The following G3BP2 variants were observed in gnomAD, a reference collection of about 807,000 sequenced individuals.
G3BP2 encodes ras GTPase-activating protein-binding protein 2.
G3BP2 carries 11 observed loss-of-function variants against 56.7 expected under a neutral mutation model. The ratio of observed to expected loss-of-function variants is 0.19; its 90% CI spans 0.12 to 0.32. The LOEUF is 0.32. Among genes scored for constraint, G3BP2 ranks in the 10% least tolerant of loss-of-function variants. G3BP2 has a pLI of 1.00. For synonymous variants in G3BP2, 165 were observed against 191.6 expected, an observed-to-expected ratio of 0.86 and a Z score of 1.15; for missense variants, 340 against 610.9, an observed-to-expected ratio of 0.56 and a Z score of 4.67.
intron 3 of G3BP2, among the ~76,000 whole-genome samples, chr4:75,681,848 CAAAAAA>C (rs149053660): frequency 1.7e-5 from 2 of 117,468 alleles, no homozygotes. Context: ...GACTCCATCT[CAAAAAA>C]AAAAAAAAAG....
chr4:75,692,083 CCTTTT>C (rs1282242547), intron 3 of G3BP2, among the ~76,000 whole-genome samples: 8 of 152,122 alleles, frequency 5.3e-5, no homozygotes, highest in Non-Finnish European at 1.0e-4. Context: ...AGCTGCCTTT[CCTTTT>C]GTCTTTCCCT....
Position 75,655,238 on chromosome 4 carries a change from A to G in G3BP2, c.554T>C (p.Ile185Thr). The G allele has an allele frequency of 6.2e-7, 1 of 1,604,966 alleles. No homozygotes were observed. Among genetic ancestry groups the G allele is most frequent in the Non-Finnish European group, 8.5e-7 (1 of 1,174,022 alleles). Residue 185 changes from isoleucine to threonine, a missense_variant, in exon 7 of 12, where the codon ATA becomes ACA. Around this residue, in one of 4 missense-constraint regions of G3BP2, gnomAD observed 224 missense variants for 332.5 expected, o/e 0.67. Coordinates refer to ENST00000359707, the MANE Select transcript of G3BP2 (RefSeq NM_203505.3). ...AGAGGATTCTTCCAAAGGCTCCTCT[A>G]TGCCATTACTACAATAAAATATTTA... ...YYEAHPVTNG[I>T]EEPLEESSHE...
At chr4:75,647,624 T>C (rs1731328842) in intron 9 of G3BP2, among the ~76,000 whole-genome samples, 2 of 152,168 alleles carry the variant, frequency 1.3e-5, no homozygotes, top group Non-Finnish European at 2.9e-5. Flanking sequence ...TGTATGTATA[T>C]AGATATACAT....
At chr4:75,673,872 G>T, upstream of G3BP2, 1 of 195,800 alleles carries the variant, frequency 5.1e-6, no homozygotes. Flanking sequence ...TCAGCTGTTT[G>T]CACACTAAAC....
At chr4:75,719,343 G>A (rs1184648702) in intron 3 of G3BP2, among the ~76,000 whole-genome samples, 1 of 54,564 alleles carries the variant, frequency 1.8e-5, no homozygotes, top group South Asian at 5.8e-4. Context: ...GCAAGACTCC[G>A]TCTCAAAAAA....
In G3BP2 at chr4:75,648,759, A is replaced by G; in HGVS notation, c.826-18T>C. ...ACTCTTGGCTAAAATATAAAGAAAA[A>G]AAAACATTATAAAAAACACTCCACT... On this transcript the variant is annotated intron_variant, in intron 8 of 11. Coordinates refer to ENST00000359707, the MANE Select transcript of G3BP2 (RefSeq NM_203505.3). The G allele has an allele frequency of 6.6e-7, 1 of 1,521,530 alleles. No homozygotes were observed. Among genetic ancestry groups the G allele is most frequent in the African/African-American group, 1.4e-5 (1 of 72,966 alleles). 94.3% of individuals were successfully genotyped at this position (1,521,530 alleles called of 1,614,324 possible).
chr4:75,680,961 C>T (rs562373384), intron 3 of G3BP2, among the ~76,000 whole-genome samples: 35 of 145,038 alleles, frequency 2.4e-4, no homozygotes, highest in African/African-American at 7.4e-4. Context: ...AGCAAGACCC[C>T]GTCTCAAAAA....
At position 75,645,003 on chromosome 4, in the gene G3BP2, G is replaced by C. The variant is rs778734374; in HGVS notation, c.*427C>G. 5.8e-6 allele frequency: 1 copy of C among 170,990 alleles called. No homozygotes were observed. Among genetic ancestry groups the C allele is most frequent in the Admixed American group, 6.1e-5 (1 of 16,336 alleles). 10.6% of individuals were successfully genotyped at this position (170,990 alleles called of 1,614,324 possible). ...AAGTTTCTGTTGGTTTGTATTTTTG[G>C]GGGGAGCCAAGAAAAAAGGCAAGAT... On this transcript the variant is annotated 3_prime_UTR_variant, in exon 12 of 12. Coordinates refer to ENST00000359707, the MANE Select transcript of G3BP2 (RefSeq NM_203505.3).
chr4:75,701,458 G>A (rs1187965895), intron 3 of G3BP2, among the ~76,000 whole-genome samples: 1 of 145,194 alleles, frequency 6.9e-6, no homozygotes, highest in Non-Finnish European at 1.5e-5. Flanking sequence ...ATGGAGTTTC[G>A]CTCTTGTTGC....
chr4:75,694,986 G>A (rs1327631671), intron 3 of G3BP2: 3 of 962,460 alleles, frequency 3.1e-6, no homozygotes, highest in Non-Finnish European at 2.5e-6. Flanking sequence ...GTCAAGACCC[G>A]ATGAATATCC....
At chr4:75,710,278 G>A (rs562229921) in intron 3 of G3BP2, among the ~76,000 whole-genome samples, 7 of 152,152 alleles carry the variant, frequency 4.6e-5, no homozygotes, top group African/African-American at 1.7e-4. Flanking sequence ...TCGAGTTGGT[G>A]GATGACGACA....
At chr4:75,679,499 T>C (rs1733995855) in intron 3 of G3BP2, among the ~76,000 whole-genome samples, 3 of 152,188 alleles carry the variant, frequency 2.0e-5, no homozygotes, top group African/African-American at 7.2e-5. Flanking sequence ...TCCAGAAAAG[T>C]GCATGAAATG....
chr4:75,718,268 T>C (rs6838240), intron 3 of G3BP2, among the ~76,000 whole-genome samples: 15,377 of 151,404 alleles, frequency 0.1, 1,009 homozygotes, highest in Non-Finnish European at 0.15. Context: ...TCATAAGTAA[T>C]TCTGCTTATT....
At chr4:75,645,770 C>G in intron 11 of G3BP2, 68 bp from the exon 12 acceptor site, 1 of 1,370,940 alleles carries the variant, frequency 7.3e-7, no homozygotes, top group Non-Finnish European at 1.0e-6. Context: ...TTACTCTGAA[C>G]AGGTCAGTCA....
rs928500650 is a variant in G3BP2, at chr4:75,679,433, G to A, written c.-24-17384C>T. Among the ~76,000 whole-genome samples the A allele has an allele frequency of 2.6e-5, 4 of 152,340 alleles. No individual in the cohort carries two copies. The East Asian group carries it at 7.7e-4, about 29-fold the overall frequency. ...GTTTGTGAGGCTGGGACAGGTTAGG[G>A]TATAAAGGAGTGTTTTCCTCTCCAA... On this transcript the variant is annotated intron_variant, in intron 3 of 3. Coordinates refer to the G3BP2 transcript ENST00000499709.
At chr4:75,676,990 C>T (rs1421872929), upstream of G3BP2, among the ~76,000 whole-genome samples, 1 of 152,144 alleles carries the variant, frequency 6.6e-6, no homozygotes, top group East Asian at 1.9e-4. Context: ...TAATGTGAAC[C>T]TTTATCAAAA....
intron 1 of G3BP2, among the ~76,000 whole-genome samples, chr4:75,664,983 C>T (rs1732887525): frequency 6.6e-6 from 1 of 152,096 alleles, no homozygotes; most frequent in African/African-American, 2.4e-5. Context: ...AGAGAGACCC[C>T]ATCTCTATAC....
intron 3 of G3BP2, among the ~76,000 whole-genome samples, chr4:75,712,207 T>C (rs946701505): frequency 6.6e-6 from 1 of 152,174 alleles, no homozygotes; most frequent in Non-Finnish European, 1.5e-5. Flanking sequence ...TATATACATA[T>C]ACATATATAT....
At chr4:75,706,145 T>C (rs561795895) in intron 3 of G3BP2, among the ~76,000 whole-genome samples, 4 of 152,316 alleles carry the variant, frequency 2.6e-5, no homozygotes, top group Middle Eastern at 3.4e-3. Flanking sequence ...CAGATGTAAC[T>C]CATAGGTGAG....
Sources: allele counts gnomAD v4.1 joint callset (sites outside exome capture counted in the v4.1 genomes callset), GRCh38; gene constraint gnomAD v4.1.1; regional missense constraint gnomAD v4.1.1; transcripts MANE v1.5; gene names NCBI Gene and HGNC (gene_info 2026-07-23, HGNC 2026-07-21).